ULK4: variants seen among roughly 807,000 people sequenced by gnomAD.
The protein encoded by ULK4 is inactive serine/threonine-protein kinase ULK4.
Under a neutral mutation model 160.6 loss-of-function variants are expected in ULK4, and 133 were observed. The observed-to-expected ratio is 0.83, with a 90% confidence interval of 0.72 to 0.96. ULK4 has a LOEUF of 0.96. Among genes scored for constraint, ULK4 ranks in the 40% least tolerant of loss-of-function variants. The pLI, the probability that ULK4 is intolerant of heterozygous loss-of-function variation, is 0.00. For synonymous variants in ULK4, 534 were observed against 539.8 expected (o/e 0.99, Z 0.15); for missense variants, 1,580 against 1,499.5 (o/e 1.05, Z -0.89).
chr3:41,440,431 T>A (rs1050986844), intron 34 of ULK4, among the ~76,000 whole-genome samples: 4 of 152,196 alleles, frequency 2.6e-5, no homozygotes, highest in African/African-American at 9.6e-5. Context: ...ATAGTTTTCC[T>A]TTCTTAGCTT....
intron 32 of ULK4, among the ~76,000 whole-genome samples, chr3:41,552,687 C>G: frequency 6.6e-6 from 1 of 151,574 alleles, no homozygotes; most frequent in East Asian, 1.9e-4. Flanking sequence ...TATATTGAGT[C>G]ATAGCAATTC....
chr3:41,412,424 G>A (rs1475662693), intron 34 of ULK4, among the ~76,000 whole-genome samples: 1 of 142,372 alleles, frequency 7.0e-6, no homozygotes, highest in Non-Finnish European at 1.5e-5. Flanking sequence ...GGTAGAAATT[G>A]ACAAGCCATG....
chr3:41,343,295 CTTTTTTTTTTTTTTT>C (rs55691966), intron 35 of ULK4, among the ~76,000 whole-genome samples: 2 of 85,334 alleles, frequency 2.3e-5, no homozygotes, highest in African/African-American at 8.9e-5. Flanking sequence ...AGCCCAAAAA[CTTTTTTTTTTTTTTT>C]TTTTTTTTTT....
At chr3:41,694,171 G>A (rs1473268206) in intron 27 of ULK4, among the ~76,000 whole-genome samples, 1 of 152,214 alleles carries the variant, frequency 6.6e-6, no homozygotes, top group Non-Finnish European at 1.5e-5. Context: ...TACAGAACGG[G>A]CAATGGCAAG....
chr3:41,332,122 C>T (rs1001609989), intron 35 of ULK4, among the ~76,000 whole-genome samples: 8 of 151,848 alleles, frequency 5.3e-5, no homozygotes, highest in African/African-American at 7.3e-5. Flanking sequence ...TTCTTTAGTA[C>T]CCATTGGAAA....
At chr3:41,882,841 A>G (rs1716997) in intron 17 of ULK4, among the ~76,000 whole-genome samples, 104,784 of 151,988 alleles carry the variant, frequency 0.69, 39,455 homozygotes, top group East Asian at 0.83. Flanking sequence ...AGGAACCCCC[A>G]TTTTTGAGAT....
At chr3:41,502,813 G>T (rs2085256137) in intron 32 of ULK4, among the ~76,000 whole-genome samples, 1 of 152,148 alleles carries the variant, frequency 6.6e-6, no homozygotes, top group South Asian at 2.1e-4. Context: ...CACTTCAAGG[G>T]ACACAAGGAA....
rs145686122 is a variant in ULK4 at position 41,389,716 on chromosome 3, T to C, written c.3678+8363A>G. Among the ~76,000 whole-genome samples the C allele has an allele frequency of 6.7e-3, 1,014 of 152,352 alleles. 4 individuals carry two copies. Among genetic ancestry groups the C allele is most frequent in the East Asian group, 0.015 (79 of 5,186 alleles). On this transcript the variant is annotated intron_variant, in intron 35 of 36. Transcript: ENST00000301831. Reference sequence around the variant, plus strand: ...TTGAACCAGCCTTGCATCTCAGGGATGAAGCCCACTTGATCATGGTGGATA... The same window carrying C: ...TTGAACCAGCCTTGCATCTCAGGGACGAAGCCCACTTGATCATGGTGGATA...
At chr3:41,597,637 A>G (rs930215127) in intron 31 of ULK4, among the ~76,000 whole-genome samples, 1 of 152,166 alleles carries the variant, frequency 6.6e-6, no homozygotes, top group African/African-American at 2.4e-5. Flanking sequence ...GACTGGCCAC[A>G]TAAGAAAACC....
intron 32 of ULK4, among the ~76,000 whole-genome samples, chr3:41,501,492 C>T (rs1033783572): frequency 8.6e-5 from 13 of 151,828 alleles, no homozygotes; most frequent in African/African-American, 1.9e-4. Flanking sequence ...AGCAAGACTC[C>T]GTCTCAAAAC....
intron 31 of ULK4, among the ~76,000 whole-genome samples, chr3:41,609,724 C>G (rs1200341137): frequency 6.6e-6 from 1 of 152,158 alleles, no homozygotes; most frequent in Non-Finnish European, 1.5e-5. Context: ...GTAATCCCAA[C>G]ACTTTGGAAG....
chr3:41,833,807 G>C (rs12634670), intron 18 of ULK4, among the ~76,000 whole-genome samples: 18,768 of 151,980 alleles, frequency 0.12, 1,332 homozygotes, highest in Middle Eastern at 0.27. Context: ...TCTGCAAACA[G>C]AGACAATTTC....
intron 2 of ULK4, among the ~76,000 whole-genome samples, chr3:41,953,302 ATATTTT>A (rs1455326874): frequency 3.1e-4 from 34 of 108,024 alleles, no homozygotes; most frequent in African/African-American, 1.3e-3. Context: ...ATATATATAT[ATATTTT>A]TTTTTTTTTT....
At chr3:41,764,540 G>A (rs1013250833) in intron 21 of ULK4, among the ~76,000 whole-genome samples, 1 of 152,160 alleles carries the variant, frequency 6.6e-6, no homozygotes, top group Non-Finnish European at 1.5e-5. Flanking sequence ...AGACTATCCT[G>A]GGCAACAGAG....
At chr3:41,346,563 G>A (rs1015871236) in intron 35 of ULK4, among the ~76,000 whole-genome samples, 4 of 152,152 alleles carry the variant, frequency 2.6e-5, no homozygotes, top group African/African-American at 7.2e-5. Context: ...GAGGAGGAAC[G>A]GACAGAGGGA....
At chr3:41,542,392 G>C (rs1199273340) in intron 32 of ULK4, among the ~76,000 whole-genome samples, 1 of 152,152 alleles carries the variant, frequency 6.6e-6, no homozygotes, top group Non-Finnish European at 1.5e-5. Flanking sequence ...AATCGTGTTC[G>C]ATAAGCTTTT....
chr3:41,861,827 T>C (rs902426227), intron 17 of ULK4, among the ~76,000 whole-genome samples: 6 of 152,130 alleles, frequency 3.9e-5, no homozygotes, highest in Admixed American at 3.9e-4. Flanking sequence ...GTGCTTCTTG[T>C]TTTTTCTTTT....
chr3:41,911,537 TTACC>T lies in ULK4; in HGVS notation c.1015_1015+3del. 6.2e-7 allele frequency: 1 copy of T among 1,612,034 alleles called. No homozygotes were observed. The highest frequency in any genetic ancestry group is 8.5e-7 in the Non-Finnish European group (1 of 1,178,262). On this transcript the variant is annotated splice_donor_variant and splice_donor_region_variant and coding_sequence_variant and intron_variant, in exon 10 of 37. Coordinates refer to ENST00000301831, the MANE Select transcript of ULK4 (RefSeq NM_017886.4). LOFTEE classifies it high-confidence loss of function. The stretch of plus-strand genomic sequence containing the variant: ...TAGCATGAATGTGCTCAAATAAAAC[TTACC>T]TAGTCTGAAAGAGTGACCTAGTGGT...
At chr3:41,803,645 C>A (rs2040540542) in intron 19 of ULK4, among the ~76,000 whole-genome samples, 1 of 152,162 alleles carries the variant, frequency 6.6e-6, no homozygotes. Flanking sequence ...CTCCCCCTAC[C>A]CCACAACAGT....
Sources: gnomAD v4.1 joint callset for allele counts (sites outside exome capture counted in the v4.1 genomes callset) on GRCh38, gnomAD v4.1.1 for gene constraint, MANE v1.5 for transcripts, NCBI Gene and HGNC (gene_info 2026-07-23, HGNC 2026-07-21) for gene names.